Variants in HDX observed in about 807,000 individuals in gnomAD.
The protein encoded by HDX is chromosome X open reading frame 43.
Under a neutral mutation model 45.2 loss-of-function variants are expected in HDX, and 19 were observed. The ratio of observed to expected loss-of-function variants is 0.42; its 90% confidence interval spans 0.29 to 0.62. The LOEUF is 0.62. HDX is among the 20% of genes least tolerant of loss of function. The pLI is 0.20. For missense variants in HDX, 532 were observed against 493.9 expected (o/e 1.08, Z -0.73); for synonymous variants, 188 against 172.8 (o/e 1.09, Z -0.69).
At chrX:84,421,265 G>T (rs1006224739) in intron 5 of HDX, among the ~76,000 whole-genome samples, 5 of 111,767 alleles carry the variant, frequency 4.5e-5, no homozygotes, top group Non-Finnish European at 9.4e-5. Flanking sequence ...AAGAAAAAAA[G>T]TTAGTAAGTT....
intron 5 of HDX, among the ~76,000 whole-genome samples, chrX:84,370,859 TCCTCTTTGGA>T (rs2037875383): frequency 8.9e-6 from 1 of 112,265 alleles, no homozygotes; most frequent in Non-Finnish European, 1.9e-5. Flanking sequence ...AATTAACTAA[TCCTCTTTGGA>T]CAGAATTGAA....
At chrX:84,369,679 G>A (rs1022823265) in intron 5 of HDX, among the ~76,000 whole-genome samples, 1 of 111,955 alleles carries the variant, frequency 8.9e-6, no homozygotes, top group Non-Finnish European at 1.9e-5. Context: ...TCTTTGATTT[G>A]CATTTCCCTG....
At chrX:84,389,222 C>T (rs1159776897) in intron 5 of HDX, among the ~76,000 whole-genome samples, 1 of 111,806 alleles carries the variant, frequency 8.9e-6, no homozygotes, top group African/African-American at 3.3e-5. Context: ...GAGACGGCAC[C>T]CTCACCAGAT....
Position 84,344,389 on chromosome X carries a change from G to C in HDX, c.1521C>G (p.Gly507=). The change falls in exon 7 of 11, where the codon GGC becomes GGG. Residue 507 remains glycine, a synonymous_variant. Transcript: ENST00000373177. Reference sequence around the variant, plus strand: ...CAGGCTGCTCAGAGAAATCAGCAGGGCCTCCTCTTGGAGGTGGAACTTCAA... The same window carrying C: ...CAGGCTGCTCAGAGAAATCAGCAGGCCCTCCTCTTGGAGGTGGAACTTCAA... ...MGIEVPPPRG[G]PADFSEQPES... 8.3e-7 allele frequency: 1 copy of C among 1,204,721 alleles called. No individual in the cohort carries two copies. The highest frequency in any genetic ancestry group is 1.1e-6 in the Non-Finnish European group (1 of 889,809).
intron 5 of HDX, among the ~76,000 whole-genome samples, chrX:84,367,855 T>G (rs2037797956): frequency 3.6e-5 from 4 of 110,416 alleles, no homozygotes; most frequent in Admixed American, 2.9e-4. Flanking sequence ...CCTGTTGGGG[T>G]GTGGGGGTAA....
chrX:84,397,383 C>T lies in HDX; in HGVS notation c.1306-35771G>A, dbSNP rs188737210. ...CTAGAACTTGGAGCAGCAAGGAGGT[C>T]GGATACAGCACAAGTTCCCTCTTTG... On this transcript the variant is annotated intron_variant, in intron 5 of 10. Coordinates refer to ENST00000373177, the MANE Select transcript of HDX (RefSeq NM_001177479.2). Among the ~76,000 whole-genome samples, 38 of 111,782 alleles carry T rather than the reference C, an allele frequency of 3.4e-4. 1 individual carries two copies. The highest frequency in any genetic ancestry group is 9.2e-3 in the Middle Eastern group (2 of 217).
chrX:84,498,045 A>C, intron 1 of HDX, among the ~76,000 whole-genome samples: 1 of 111,720 alleles, frequency 9.0e-6, no homozygotes, highest in African/African-American at 3.2e-5. Context: ...TAGTTTGCTA[A>C]ATTTTGCCAC....
chrX:84,406,675 A>G (rs1311592450), intron 5 of HDX, among the ~76,000 whole-genome samples: 3 of 111,361 alleles, frequency 2.7e-5, no homozygotes, highest in Non-Finnish European at 5.7e-5. Context: ...TTAATAACAA[A>G]GTAGACTAAA....
At chrX:84,427,977 C>T (rs1865085877) in intron 5 of HDX, among the ~76,000 whole-genome samples, 1 of 110,355 alleles carries the variant, frequency 9.1e-6, no homozygotes. Context: ...TAATTTTAGC[C>T]ATTCTAGTGT....
intron 2 of HDX, among the ~76,000 whole-genome samples, chrX:84,484,394 G>T (rs1292319412): frequency 9.0e-6 from 1 of 111,729 alleles, no homozygotes; most frequent in African/African-American, 3.3e-5. Flanking sequence ...TTCTTCACAT[G>T]ATGGCAAGAA....
At chrX:84,351,802 C>A (rs1387493113) in intron 6 of HDX, among the ~76,000 whole-genome samples, 1 of 111,265 alleles carries the variant, frequency 9.0e-6, no homozygotes, top group East Asian at 2.8e-4. Context: ...ATATAATGTC[C>A]AGGGATATTA....
At chrX:84,417,218 G>GAGAGAGAA (rs2039130368) in intron 5 of HDX, among the ~76,000 whole-genome samples, 1 of 100,251 alleles carries the variant, frequency 1.0e-5, no homozygotes, top group Non-Finnish European at 2.0e-5. Context: ...AAAAAAAAGA[G>GAGAGAGAA]AGAAAGAAAG....
intron 9 of HDX, among the ~76,000 whole-genome samples, chrX:84,327,647 G>T (rs2036742790): frequency 9.0e-6 from 1 of 111,224 alleles, no homozygotes; most frequent in Non-Finnish European, 1.9e-5. Flanking sequence ...ACAAGACATG[G>T]ATCATAGACC....
At chrX:84,396,529 T>G (rs2038568682) in intron 5 of HDX, among the ~76,000 whole-genome samples, 1 of 112,070 alleles carries the variant, frequency 8.9e-6, no homozygotes, top group Non-Finnish European at 1.9e-5. Flanking sequence ...CATTGTTTGC[T>G]TGGATTTCAG....
intron 8 of HDX, among the ~76,000 whole-genome samples, chrX:84,336,316 A>C (rs888479037): frequency 1.3e-4 from 14 of 111,136 alleles, no homozygotes; most frequent in African/African-American, 4.2e-4. Flanking sequence ...GAGTAACCAG[A>C]GTACAATTTA....
At chrX:84,495,246 TAGAC>T (rs1256491636) in intron 1 of HDX, among the ~76,000 whole-genome samples, 3 of 111,384 alleles carry the variant, frequency 2.7e-5, no homozygotes, top group Non-Finnish European at 3.8e-5. Flanking sequence ...AAATTTTAGT[TAGAC>T]AGGAAGAATA....
At chrX:84,398,386 C>T (rs2038616179) in intron 5 of HDX, among the ~76,000 whole-genome samples, 1 of 111,127 alleles carries the variant, frequency 9.0e-6, no homozygotes, top group African/African-American at 3.3e-5. Flanking sequence ...GGAAAATTTA[C>T]CAAGCAAATG....
intron 5 of HDX, among the ~76,000 whole-genome samples, chrX:84,369,293 C>G (rs1293183691): frequency 8.9e-6 from 1 of 111,880 alleles, no homozygotes; most frequent in East Asian, 2.8e-4. Flanking sequence ...TATGCATGTA[C>G]CAAATTTTTG....
chrX:84,402,893 A>T (rs957087750), intron 5 of HDX, among the ~76,000 whole-genome samples: 2 of 111,455 alleles, frequency 1.8e-5, no homozygotes, highest in African/African-American at 6.5e-5. Flanking sequence ...CTTTTAATCT[A>T]AAACGTGTAA....
Sources: gnomAD v4.1 joint callset for allele counts (sites outside exome capture counted in the v4.1 genomes callset) on GRCh38, gnomAD v4.1.1 for gene constraint, MANE v1.5 for transcripts, NCBI Gene and HGNC (gene_info 2026-07-23, HGNC 2026-07-21) for gene names.